The following CNTN4 variants were observed in gnomAD, a reference collection of about 807,000 sequenced individuals.
CNTN4 encodes the protein contactin-4.
Under a neutral mutation model 122.5 loss-of-function variants are expected in CNTN4, and 77 were observed. The ratio of observed to expected loss-of-function variants is 0.63; its 90% CI spans 0.52 to 0.76. The LOEUF (loss-of-function observed/expected upper bound fraction) is 0.76, where lower values mean the gene tolerates loss of function less well. Among genes scored for constraint, CNTN4 ranks in the 30% least tolerant of loss-of-function variants. The pLI is 0.00. For synonymous variants in CNTN4, 512 were observed against 447.0 expected (o/e 1.15, Z -1.83); for missense variants, 1,256 against 1,259.1 (o/e 1.00, Z 0.04).
chr3:2,934,827 AT>A (rs2094554128), intron 13 of CNTN4, among the ~76,000 whole-genome samples: 1 of 152,276 alleles, frequency 6.6e-6, no homozygotes, highest in Admixed American at 6.5e-5. Context: ...CAGGAGCGTC[AT>A]TGCTCTAGTT....
Position 2,504,624 on chromosome 3 carries a change from T to C in CNTN4, c.-88-66792T>C, listed in dbSNP as rs532336259. On this transcript the variant is annotated intron_variant, in intron 3 of 24. Coordinates refer to ENST00000418658, the MANE Select transcript of CNTN4 (RefSeq NM_175607.3). ...AGTGAAATGCTATTGGAGAAAACTATATGTAATCTCAAAGTTGCTTCCAAA... is the reference window on the plus strand; with the variant it reads ...AGTGAAATGCTATTGGAGAAAACTACATGTAATCTCAAAGTTGCTTCCAAA... 3.3e-5 allele frequency among the ~76,000 whole-genome samples: 5 copies of C among 152,304 alleles called. 1 individual carries two copies. Among genetic ancestry groups the C allele is most frequent in the African/African-American group, 1.2e-4 (5 of 41,566 alleles).
chr3:2,715,343 T>G (rs1418142627), intron 4 of CNTN4, among the ~76,000 whole-genome samples: 1 of 152,180 alleles, frequency 6.6e-6, no homozygotes, highest in African/African-American at 2.4e-5. Context: ...GCCTTATAAT[T>G]TGGAAATTTC....
chr3:2,746,737 T>C (rs1404486944), intron 6 of CNTN4, among the ~76,000 whole-genome samples: 2 of 152,216 alleles, frequency 1.3e-5, no homozygotes, highest in Non-Finnish European at 2.9e-5. Flanking sequence ...GGCATTTTTA[T>C]AAGTTGGGAA....
intron 7 of CNTN4, among the ~76,000 whole-genome samples, chr3:2,866,265 A>C (rs1217047477): frequency 6.6e-6 from 1 of 152,184 alleles, no homozygotes; most frequent in East Asian, 1.9e-4. Flanking sequence ...TAAAACTATC[A>C]AATATATTGG....
At chr3:2,638,319 T>G (rs2082755207) in intron 4 of CNTN4, among the ~76,000 whole-genome samples, 1 of 152,150 alleles carries the variant, frequency 6.6e-6, no homozygotes, top group Non-Finnish European at 1.5e-5. Flanking sequence ...TGTGATTCAG[T>G]GTTGTGCCCC....
chr3:2,134,115 C>T (rs2034576799), intron 2 of CNTN4, among the ~76,000 whole-genome samples: 1 of 152,170 alleles, frequency 6.6e-6, no homozygotes, highest in South Asian at 2.1e-4. Flanking sequence ...ATGTACCGAC[C>T]TCCATTAAGA....
chr3:3,011,157 G>A (rs963235035), intron 14 of CNTN4, among the ~76,000 whole-genome samples: 3 of 152,078 alleles, frequency 2.0e-5, no homozygotes, highest in Non-Finnish European at 4.4e-5. Flanking sequence ...GACAAGTGGG[G>A]GAAGAAAAGG....
At chr3:2,609,076 C>T (rs141424770) in intron 4 of CNTN4, among the ~76,000 whole-genome samples, 8 of 152,292 alleles carry the variant, frequency 5.3e-5, no homozygotes, top group Non-Finnish European at 8.8e-5. Flanking sequence ...GATTTTTCTA[C>T]GAGGCTTTCT....
intron 2 of CNTN4, among the ~76,000 whole-genome samples, chr3:2,193,494 A>G (rs550908061): frequency 6.6e-6 from 1 of 152,330 alleles, no homozygotes; most frequent in South Asian, 2.1e-4. Context: ...ATACTGTAGT[A>G]AAGAGATGTG....
intron 4 of CNTN4, among the ~76,000 whole-genome samples, chr3:2,706,488 C>A (rs933522101): frequency 6.6e-6 from 1 of 152,104 alleles, no homozygotes; most frequent in Non-Finnish European, 1.5e-5. Flanking sequence ...TTGCAATTTG[C>A]GATTTGCAAA....
At chr3:2,890,094 G>T (rs1447496278) in intron 10 of CNTN4, among the ~76,000 whole-genome samples, 1 of 152,220 alleles carries the variant, frequency 6.6e-6, no homozygotes, top group Admixed American at 6.5e-5. Flanking sequence ...GCCACGCTTG[G>T]TGTTAAAAAC....
At chr3:2,572,855 C>T (rs989712850) in intron 4 of CNTN4, among the ~76,000 whole-genome samples, 1 of 152,092 alleles carries the variant, frequency 6.6e-6, no homozygotes, top group Non-Finnish European at 1.5e-5. Flanking sequence ...AGATTATTTG[C>T]AATTGCTATA....
chr3:3,031,503 C>A (rs1159057865), intron 16 of CNTN4, among the ~76,000 whole-genome samples: 1 of 151,932 alleles, frequency 6.6e-6, no homozygotes, highest in African/African-American at 2.4e-5. Flanking sequence ...AGTAAATGAG[C>A]TGAGAGTTGA....
At chr3:2,609,815 T>A (rs1284504591) in intron 4 of CNTN4, among the ~76,000 whole-genome samples, 2 of 152,184 alleles carry the variant, frequency 1.3e-5, no homozygotes, top group South Asian at 2.1e-4. Context: ...TTCAAATAAA[T>A]TTTTTACTAT....
At position 2,973,691 on chromosome 3, in the gene CNTN4, A is replaced by G. The variant is rs555819097; in HGVS notation, c.1359-14654A>G. On this transcript the variant is annotated intron_variant, in intron 13 of 24. Transcript: ENST00000418658. ...TGCCTGTTTGTATATAAAGGACTGT[A>G]TAAAATGAAAGGGAGACAGAGAGAT... Among the ~76,000 whole-genome samples, 23 of 152,172 alleles carry G rather than the reference A, an allele frequency of 1.5e-4. 1 individual carries two copies. Among genetic ancestry groups the G allele is most frequent in the African/African-American group, 4.8e-4 (20 of 41,456 alleles).
At chr3:2,294,889 C>T (rs1247619578) in intron 2 of CNTN4, among the ~76,000 whole-genome samples, 1 of 151,970 alleles carries the variant, frequency 6.6e-6, no homozygotes, top group African/African-American at 2.4e-5. Context: ...CACGTGTTCT[C>T]ATTGTTCAAT....
At chr3:2,982,921 A>AT (rs1429318792) in intron 13 of CNTN4, among the ~76,000 whole-genome samples, 9 of 151,962 alleles carry the variant, frequency 5.9e-5, no homozygotes, top group Admixed American at 5.9e-4. Flanking sequence ...ACTAAAAAAA[A>AT]TAGCACAAAG....
chr3:2,412,802 C>A (rs1303162277), intron 3 of CNTN4, among the ~76,000 whole-genome samples: 1 of 151,934 alleles, frequency 6.6e-6, no homozygotes, highest in Admixed American at 6.6e-5. Context: ...GCTGTAGAAT[C>A]AGATTGCCTG....
intron 11 of CNTN4, among the ~76,000 whole-genome samples, chr3:2,902,512 G>GTT (rs1055673020): frequency 6.6e-6 from 1 of 152,100 alleles, no homozygotes; most frequent in Non-Finnish European, 1.5e-5. Flanking sequence ...AGTAAATTTA[G>GTT]TTTTATTTCC....
Sources: gnomAD v4.1 joint callset for allele counts (sites outside exome capture counted in the v4.1 genomes callset) on GRCh38, gnomAD v4.1.1 for gene constraint, MANE v1.5 for transcripts, NCBI Gene and HGNC (gene_info 2026-07-23, HGNC 2026-07-21) for gene names.